Variants in PTPRG observed in about 807,000 individuals in gnomAD.
PTPRG encodes the protein receptor-type tyrosine-protein phosphatase gamma.
A neutral mutation model predicts 165.3 loss-of-function variants in PTPRG; 102 were observed. The observed-to-expected ratio is 0.62, with a 90% CI of 0.53 to 0.73. The LOEUF (loss-of-function observed/expected upper bound fraction) is 0.73, where lower values mean the gene tolerates loss of function less well. Among genes scored for constraint, PTPRG ranks in the 30% least tolerant of loss-of-function variants. The probability of loss-of-function intolerance (pLI) is 0.00; values close to 1 mark genes in which losing one functional copy is unlikely to be tolerated. For synonymous variants in PTPRG, 675 were observed against 669.5 expected (o/e 1.01, Z -0.13); for missense variants, 1,866 against 1,861.4 (o/e 1.00, Z -0.05).
chr3:62,271,292 C>G lies in PTPRG; in HGVS notation c.3010-91C>G. On this transcript the variant is annotated intron_variant, in intron 20 of 29. Coordinates refer to ENST00000474889, the MANE Select transcript of PTPRG (RefSeq NM_002841.4). This position sits in a 1 kb window ranked among gnomAD's most constrained non-coding sequence, Gnocchi z 4.1. ...GAACAGTGATTAGGGTGAATGTGAT[C>G]AGTGGTCATGTGTCCTGACACCCTT... is the stretch of plus-strand genomic sequence containing the variant. The G allele has an allele frequency of 3.7e-6, 4 of 1,091,566 alleles. No individual in the cohort carries two copies. The highest frequency in any genetic ancestry group is 5.3e-6 in the Non-Finnish European group (4 of 758,250). The allele number at this position is 1,091,566 out of a possible 1,614,324, so 67.6% of individuals were successfully genotyped here.
intron 2 of PTPRG, among the ~76,000 whole-genome samples, chr3:61,826,718 A>C (rs2036123885): frequency 6.6e-6 from 1 of 152,072 alleles, no homozygotes; most frequent in Non-Finnish European, 1.5e-5. Context: ...CTCCCTTTAT[A>C]GCCCTTTTTG....
intron 2 of PTPRG, among the ~76,000 whole-genome samples, chr3:61,759,462 T>G (rs2033756970): frequency 6.6e-6 from 1 of 151,746 alleles, no homozygotes; most frequent in Non-Finnish European, 1.5e-5. Context: ...CGAGACCAGC[T>G]TGGGAAACAA....
intron 2 of PTPRG, among the ~76,000 whole-genome samples, chr3:61,887,319 C>CT (rs1198188150): frequency 2.6e-5 from 4 of 151,650 alleles, no homozygotes; most frequent in Non-Finnish European, 5.9e-5. Context: ...TTTGCTCTAA[C>CT]TAAGAGCCAT....
chr3:61,577,522 A>G (rs907221366), intron 1 of PTPRG, among the ~76,000 whole-genome samples: 15 of 152,240 alleles, frequency 9.9e-5, no homozygotes, highest in Non-Finnish European at 2.2e-4. Flanking sequence ...AATGTGAAAT[A>G]TCTCATTAAA....
At chr3:62,143,175 A>G (rs1054303225) in intron 6 of PTPRG, among the ~76,000 whole-genome samples, 5 of 152,380 alleles carry the variant, frequency 3.3e-5, no homozygotes, top group Middle Eastern at 3.4e-3. Context: ...GAACAGGACC[A>G]TAATCTGTCA....
At chr3:62,234,298 T>G (rs1700973608) in intron 14 of PTPRG, among the ~76,000 whole-genome samples, 1 of 152,198 alleles carries the variant, frequency 6.6e-6, no homozygotes, top group African/African-American at 2.4e-5. Context: ...ATGAATAAGT[T>G]TATGTGTCAC....
chr3:61,881,691 T>TC (rs1199486067), intron 2 of PTPRG, among the ~76,000 whole-genome samples: 1 of 152,224 alleles, frequency 6.6e-6, no homozygotes, highest in African/African-American at 2.4e-5. Context: ...CACAACTTCC[T>TC]TCCTCTCCTC....
At chr3:61,668,542 C>G (rs202149266) in intron 1 of PTPRG, among the ~76,000 whole-genome samples, 1 of 152,198 alleles carries the variant, frequency 6.6e-6, no homozygotes, top group East Asian at 1.9e-4. Context: ...CGCCTTATAA[C>G]ACAGCAACTC....
intron 2 of PTPRG, among the ~76,000 whole-genome samples, chr3:61,835,387 G>A (rs1304257463): frequency 1.3e-5 from 2 of 152,126 alleles, no homozygotes; most frequent in Non-Finnish European, 2.9e-5. Flanking sequence ...AGGCTGGAGT[G>A]CAGTGGTGCG....
At chr3:61,742,064 A>C (rs2106883999) in intron 1 of PTPRG, among the ~76,000 whole-genome samples, 1 of 152,314 alleles carries the variant, frequency 6.6e-6, no homozygotes. Context: ...TTCATGTGGT[A>C]TTCAGAGGAG....
chr3:61,743,036 G>T (rs1166979260), intron 1 of PTPRG: 4 of 1,594,720 alleles, frequency 2.5e-6, no homozygotes, highest in Non-Finnish European at 2.6e-6. Context: ...AACTTGCGGC[G>T]CTTGCGCTGG....
intron 2 of PTPRG, among the ~76,000 whole-genome samples, chr3:61,878,852 A>G (rs2037812744): frequency 6.6e-6 from 1 of 152,148 alleles, no homozygotes; most frequent in African/African-American, 2.4e-5. Context: ...TTGGAATGAG[A>G]GTACAGAATA....
intron 2 of PTPRG, among the ~76,000 whole-genome samples, chr3:61,833,506 C>G (rs1480561832): frequency 2.6e-5 from 4 of 152,122 alleles, no homozygotes; most frequent in Non-Finnish European, 5.9e-5. Flanking sequence ...CCTGGTGAAT[C>G]CTTTATCCCC....
intron 2 of PTPRG, among the ~76,000 whole-genome samples, chr3:61,866,912 A>G (rs2037428417): frequency 6.6e-6 from 1 of 152,112 alleles, no homozygotes; most frequent in Admixed American, 6.5e-5. Flanking sequence ...GGTTGCTTTT[A>G]TTCTAACAAC....
intron 5 of PTPRG, among the ~76,000 whole-genome samples, chr3:62,121,244 C>T (rs530646448): frequency 2.2e-4 from 34 of 152,120 alleles, no homozygotes; most frequent in South Asian, 1.9e-3. Context: ...TGAGCCACCG[C>T]GCCCAGCCTA....
chr3:61,858,731 GGC>G (rs535965144), intron 2 of PTPRG, among the ~76,000 whole-genome samples: 19 of 152,112 alleles, frequency 1.2e-4, no homozygotes, highest in African/African-American at 4.1e-4. Flanking sequence ...CTGAAAATAG[GGC>G]AGCTCAATGC....
chr3:61,772,930 G>C (rs536915696), intron 2 of PTPRG, among the ~76,000 whole-genome samples: 1 of 152,278 alleles, frequency 6.6e-6, no homozygotes, highest in South Asian at 2.1e-4. Context: ...ACAACGAATG[G>C]GAGAAATGAG....
intron 2 of PTPRG, among the ~76,000 whole-genome samples, chr3:61,946,192 C>T (rs890531151): frequency 6.6e-6 from 1 of 152,180 alleles, no homozygotes; most frequent in South Asian, 2.1e-4. Context: ...TCAACTTCAC[C>T]TTCCCTAGCA....
chr3:62,123,178 A>G (rs1360798507), intron 5 of PTPRG, among the ~76,000 whole-genome samples: 1 of 152,206 alleles, frequency 6.6e-6, no homozygotes, highest in Admixed American at 6.5e-5. Flanking sequence ...CGAAAGTTCA[A>G]CTGGGGAATG....
Sources: gnomAD v4.1 joint callset for allele counts (sites outside exome capture counted in the v4.1 genomes callset) on GRCh38, gnomAD v4.1.1 for gene constraint, Gnocchi (gnomAD v3.1) non-coding constraint, MANE v1.5 for transcripts, NCBI Gene and HGNC (gene_info 2026-07-23, HGNC 2026-07-21) for gene names.